Variants in C8orf34 observed in about 807,000 individuals in gnomAD.
C8orf34 encodes uncharacterized protein C8orf34.
A neutral mutation model predicts 68.3 loss-of-function variants in C8orf34; 65 were observed. The observed-to-expected ratio is 0.95, with a 90% CI of 0.78 to 1.17. The LOEUF is 1.17. Ranked by LOEUF, C8orf34 falls within the 50% of genes most tolerant of loss-of-function variation. The pLI is 0.00. For missense variants in C8orf34, 664 were observed against 655.4 expected, an observed-to-expected ratio of 1.01 and a Z score of -0.14; for synonymous variants, 244 against 241.2, an observed-to-expected ratio of 1.01 and a Z score of -0.11.
chr8:68,518,133 G>A (rs4415295), intron 5 of C8orf34, among the ~76,000 whole-genome samples: 44,872 of 151,888 alleles, frequency 0.3, 7,776 homozygotes, highest in Non-Finnish European at 0.4. Flanking sequence ...CCAAACCTCA[G>A]CATCACCCAA....
intron 7 of C8orf34, among the ~76,000 whole-genome samples, chr8:68,584,299 GA>G (rs960524257): frequency 8.0e-5 from 12 of 150,732 alleles, no homozygotes; most frequent in African/African-American, 2.9e-4. Flanking sequence ...CGTTCTCTGA[GA>G]AAAAAAAAGT....
At chr8:68,801,393 G>C (rs1824323020) in intron 12 of C8orf34, among the ~76,000 whole-genome samples, 1 of 152,298 alleles carries the variant, frequency 6.6e-6, no homozygotes, top group African/African-American at 2.4e-5. Context: ...ATACTGTCCA[G>C]TTTGCCATGG....
chr8:68,603,523 ATCTATCTATCTATCTATCTATC>A (rs1187726884), intron 7 of C8orf34, among the ~76,000 whole-genome samples: 12 of 76,872 alleles, frequency 1.6e-4, no homozygotes, highest in African/African-American at 6.4e-4. Flanking sequence ...ATATACATAT[ATCTATCTATCTATCTATCTATC>A]TATCTATCTA....
chr8:68,484,997 A>G (rs998160350), intron 4 of C8orf34, among the ~76,000 whole-genome samples: 1 of 152,232 alleles, frequency 6.6e-6, no homozygotes, highest in African/African-American at 2.4e-5. Context: ...TAAAGGCATA[A>G]TTCTTTCTCC....
intron 7 of C8orf34, among the ~76,000 whole-genome samples, chr8:68,615,608 A>G (rs1818182313): frequency 1.3e-5 from 2 of 152,170 alleles, no homozygotes; most frequent in African/African-American, 4.8e-5. Flanking sequence ...ATTTGCGTAT[A>G]TTGAACCAGT....
chr8:68,752,457 G>GACATC (rs1353591347), intron 10 of C8orf34, among the ~76,000 whole-genome samples: 1 of 152,046 alleles, frequency 6.6e-6, no homozygotes, highest in Non-Finnish European at 1.5e-5. Flanking sequence ...TTTATACAAT[G>GACATC]ACATCACATT....
chr8:68,796,320 C>T (rs1824176152), intron 12 of C8orf34, among the ~76,000 whole-genome samples: 1 of 152,140 alleles, frequency 6.6e-6, no homozygotes, highest in African/African-American at 2.4e-5. Context: ...TCAGGAGCCC[C>T]TGATTTTTGG....
intron 12 of C8orf34, among the ~76,000 whole-genome samples, chr8:68,794,480 TAA>T (rs199710526): frequency 0.093 from 9,924 of 106,750 alleles, 903 homozygotes; most frequent in East Asian, 0.37. Flanking sequence ...TATATAAATA[TAA>T]ATATATATAT....
At chr8:68,567,389 C>A (rs1358034237) in intron 7 of C8orf34, among the ~76,000 whole-genome samples, 1 of 151,902 alleles carries the variant, frequency 6.6e-6, no homozygotes, top group African/African-American at 2.4e-5. Flanking sequence ...TCTCTTCTGG[C>A]TTTTCTAGCT....
chr8:68,361,501 T>C (rs2129619381), intron 1 of C8orf34, among the ~76,000 whole-genome samples: 1 of 152,358 alleles, frequency 6.6e-6, no homozygotes, highest in Non-Finnish European at 1.5e-5. Flanking sequence ...TGTGCCACTA[T>C]ATCTACCACA....
At chr8:68,451,177 G>A (rs865961437) in intron 3 of C8orf34, among the ~76,000 whole-genome samples, 6 of 151,932 alleles carry the variant, frequency 3.9e-5, no homozygotes, top group African/African-American at 7.2e-5. Context: ...CTCAGCTTTC[G>A]TGGAATTGAG....
chr8:68,551,285 C>G (rs1428696065), intron 7 of C8orf34, among the ~76,000 whole-genome samples: 2 of 151,654 alleles, frequency 1.3e-5, no homozygotes, highest in Non-Finnish European at 2.9e-5. Flanking sequence ...TCAGCCATGT[C>G]CAGTCTACTA....
chr8:68,794,448 T>C (rs1272434397), intron 12 of C8orf34, among the ~76,000 whole-genome samples: 1 of 141,104 alleles, frequency 7.1e-6, no homozygotes, highest in African/African-American at 2.8e-5. Flanking sequence ...CTGGGATTAC[T>C]GGCATGAATC....
intron 4 of C8orf34, among the ~76,000 whole-genome samples, chr8:68,482,308 C>A (rs1216384446): frequency 6.6e-6 from 1 of 152,198 alleles, no homozygotes; most frequent in Non-Finnish European, 1.5e-5. Flanking sequence ...TTCCCAGTTT[C>A]AGGTATGTCT....
At chr8:68,544,959 G>GA (rs374380849) in intron 7 of C8orf34, among the ~76,000 whole-genome samples, 1 of 152,010 alleles carries the variant, frequency 6.6e-6, no homozygotes, top group Admixed American at 6.6e-5. Context: ...AAAAATAATG[G>GA]AAAAAAACAT....
chr8:68,713,363 C>A (rs1253568267), intron 9 of C8orf34, among the ~76,000 whole-genome samples: 1 of 151,400 alleles, frequency 6.6e-6, no homozygotes, highest in East Asian at 1.9e-4. Context: ...AAAAAAAATA[C>A]AAAAGATAGA....
chr8:68,471,770 G>A (rs1586209294), intron 4 of C8orf34, among the ~76,000 whole-genome samples: 2 of 152,000 alleles, frequency 1.3e-5, no homozygotes, highest in East Asian at 3.9e-4. Flanking sequence ...TCACTGATGA[G>A]AATTCACTTT....
chr8:68,516,807 A>AT (rs539839653), intron 5 of C8orf34, among the ~76,000 whole-genome samples: 125 of 151,454 alleles, frequency 8.3e-4, no homozygotes, highest in African/African-American at 2.9e-3. Flanking sequence ...CGCCCAGCTA[A>AT]TTTTTTTTAT....
Position 68,601,377 on chromosome 8 carries a change from G to T in C8orf34, c.1106-38999G>T, listed in dbSNP as rs926484337. ...ACGGTACACATGTTAACTTTTTTGT[G>T]ATTGTTCTACATGTCCCTAAGACTG... On this transcript the variant is annotated intron_variant, in intron 7 of 13. Coordinates refer to ENST00000518698, the MANE Select transcript of C8orf34 (RefSeq NM_052958.4). 2.4e-4 allele frequency among the ~76,000 whole-genome samples: 37 copies of T among 151,536 alleles called. 1 individual carries two copies. The highest frequency in any genetic ancestry group is 8.7e-4 in the African/African-American group (36 of 41,246).
Sources: allele counts gnomAD v4.1 joint callset (sites outside exome capture counted in the v4.1 genomes callset), GRCh38; gene constraint gnomAD v4.1.1; transcripts MANE v1.5; gene names NCBI Gene and HGNC (gene_info 2026-07-23, HGNC 2026-07-21).